Variants in KANK1 observed in about 807,000 individuals in gnomAD.
KANK1 encodes the protein KN motif and ankyrin repeat domain-containing protein 1.
KANK1 carries 109 observed loss-of-function variants against 106.2 expected under a neutral mutation model. That is an observed-to-expected ratio of 1.03 (90% CI 0.88 to 1.20). The LOEUF is 1.20. KANK1 is among the 50% of genes most tolerant of loss of function. KANK1 has a pLI of 0.00. For missense variants in KANK1, 2,399 were observed against 1,710.7 expected (o/e 1.40, Z -7.10); for synonymous variants, 873 against 652.2 (o/e 1.34, Z -5.16).
rs966901810 is a variant in KANK1 at position 671,877 on chromosome 9, G to C, written c.-83-5013G>C. Among the ~76,000 whole-genome samples, 8 of 152,124 alleles carry C rather than the reference G, an allele frequency of 5.3e-5. No homozygotes were observed. In the East Asian group the frequency reaches 7.8e-4, roughly 15 times the overall value. The stretch of plus-strand genomic sequence containing the variant: ...GCAGGAGAATCACCTGAACCTGGGA[G>C]GCGGAGGTTGCAGTGAGCTGAGATC... On this transcript the variant is annotated intron_variant, in intron 1 of 11. Coordinates refer to ENST00000382297, the MANE Select transcript of KANK1 (RefSeq NM_015158.5).
Position 738,333 on chromosome 9 carries a change from C to A in KANK1, c.3382C>A (p.Gln1128Lys), listed in dbSNP as rs201456672. ...GCACGAGTGGTTCCGCGTGTCCAGT[C>A]AGAAGTCAGCCATTCCAGCCATGGT... ...LQHEWFRVSS[Q>K]KSAIPAMVGD... is the part of the protein sequence containing the mutation. Residue 1128 changes from glutamine to lysine, a missense_variant, in exon 8 of 12, where the codon CAG becomes AAG. Coordinates refer to ENST00000382297, the MANE Select transcript of KANK1 (RefSeq NM_015158.5). 3.1e-5 allele frequency: 50 copies of A among 1,614,096 alleles called. No homozygotes were observed. In the South Asian group the frequency reaches 5.5e-4, roughly 18 times the overall value.
At chr9:601,912 A>G (rs1827842412) in intron 1 of KANK1, among the ~76,000 whole-genome samples, 1 of 151,920 alleles carries the variant, frequency 6.6e-6, no homozygotes, top group Non-Finnish European at 1.5e-5. Context: ...TCTGAGTACC[A>G]GACGTGCACA....
intron 1 of KANK1, among the ~76,000 whole-genome samples, chr9:531,301 C>A (rs942941074): frequency 6.6e-6 from 1 of 151,954 alleles, no homozygotes; most frequent in Non-Finnish European, 1.5e-5. Context: ...TGTGGTGGTG[C>A]GTGCCTATAG....
chr9:530,434 A>G (rs1380230650), intron 1 of KANK1, among the ~76,000 whole-genome samples: 1 of 151,946 alleles, frequency 6.6e-6, no homozygotes, highest in Non-Finnish European at 1.5e-5. Context: ...TTTTTCCCAG[A>G]TGGCTACTGG....
At chr9:511,094 C>T (rs7848411) in intron 1 of KANK1, among the ~76,000 whole-genome samples, 24,193 of 152,018 alleles carry the variant, frequency 0.16, 3,480 homozygotes, top group African/African-American at 0.39. Context: ...AATATCGATA[C>T]AAAAGGTTCA....
chr9:610,771 A>G (rs79613734), intron 1 of KANK1, among the ~76,000 whole-genome samples: 5,467 of 152,204 alleles, frequency 0.036, 322 homozygotes, highest in African/African-American at 0.12. Context: ...AGACTTGCAC[A>G]TCTGTGACCT....
chr9:585,425 T>C (rs55637574), intron 1 of KANK1, among the ~76,000 whole-genome samples: 6,258 of 152,300 alleles, frequency 0.041, 454 homozygotes, highest in African/African-American at 0.14. Context: ...TACCCATTGA[T>C]GATGGAACAA....
chr9:691,930 T>C (rs1019660450), intron 2 of KANK1, among the ~76,000 whole-genome samples: 12 of 152,080 alleles, frequency 7.9e-5, no homozygotes, highest in Non-Finnish European at 1.2e-4. Flanking sequence ...AGGGTTCTTT[T>C]AAATGCCTTC....
intron 1 of KANK1, among the ~76,000 whole-genome samples, chr9:608,021 TA>T (rs2039638942): frequency 2.6e-5 from 2 of 77,578 alleles, no homozygotes; most frequent in African/African-American, 1.0e-4. Flanking sequence ...GAATTATTAT[TA>T]TTATTATTAT....
intron 3 of KANK1, among the ~76,000 whole-genome samples, chr9:728,841 C>G (rs1001298825): frequency 2.0e-5 from 3 of 152,206 alleles, no homozygotes; most frequent in Non-Finnish European, 4.4e-5. Context: ...ATCAGAGTAT[C>G]TTTGAATCTA....
chr9:644,872 G>A (rs992895681), intron 1 of KANK1, among the ~76,000 whole-genome samples: 2 of 151,156 alleles, frequency 1.3e-5, no homozygotes, highest in Non-Finnish European at 2.9e-5. Context: ...TGTAATCCCA[G>A]CACTTCGGGA....
At chr9:740,993 G>A (rs909374439) in intron 9 of KANK1, 59 bp downstream of exon 9, 56 of 1,589,594 alleles carry the variant, frequency 3.5e-5, no homozygotes, top group Middle Eastern at 1.7e-4. Context: ...ACAGGACTGC[G>A]GTGGCCATTC....
chr9:572,396 A>G (rs1819435547), intron 1 of KANK1, among the ~76,000 whole-genome samples: 1 of 151,940 alleles, frequency 6.6e-6, no homozygotes, highest in Non-Finnish European at 1.5e-5. Context: ...TAAAAAATAG[A>G]AAAAAATTAG....
chr9:504,396 A>T (rs2058630386), upstream of KANK1, among the ~76,000 whole-genome samples: 1 of 151,500 alleles, frequency 6.6e-6, no homozygotes, highest in South Asian at 2.1e-4. Context: ...GGCCTGGTGG[A>T]GTTGCAGCGG....
At chr9:581,368 T>C (rs1180145708) in intron 1 of KANK1, among the ~76,000 whole-genome samples, 1 of 152,214 alleles carries the variant, frequency 6.6e-6, no homozygotes, top group African/African-American at 2.4e-5. Context: ...AGACTGGAAA[T>C]TCTTTGTGAA....
chr9:508,843 A>G (rs1343629784), intron 1 of KANK1, among the ~76,000 whole-genome samples: 1 of 152,226 alleles, frequency 6.6e-6, no homozygotes. Flanking sequence ...TAGTGTGACT[A>G]TGAACATTCT....
chr9:521,721 C>T (rs1023411870), intron 1 of KANK1, among the ~76,000 whole-genome samples: 5 of 151,322 alleles, frequency 3.3e-5, no homozygotes, highest in Admixed American at 1.3e-4. Flanking sequence ...GTGTGCGCCA[C>T]CACGCGTGGC....
chr9:558,431 T>C (rs1255218218), intron 1 of KANK1, among the ~76,000 whole-genome samples: 1 of 152,232 alleles, frequency 6.6e-6, no homozygotes, highest in Non-Finnish European at 1.5e-5. Context: ...TTTTGTCAGC[T>C]GTCAACCGAT....
At chr9:604,936 A>T (rs748505993) in intron 1 of KANK1, among the ~76,000 whole-genome samples, 25 of 151,930 alleles carry the variant, frequency 1.6e-4, no homozygotes, top group African/African-American at 2.9e-4. Context: ...GTAGTTCTTT[A>T]TAGCAGTGTG....
Sources: gnomAD v4.1 joint callset for allele counts (sites outside exome capture counted in the v4.1 genomes callset) on GRCh38, gnomAD v4.1.1 for gene constraint, MANE v1.5 for transcripts, NCBI Gene and HGNC (gene_info 2026-07-23, HGNC 2026-07-21) for gene names.